PPFIBP2: variants seen among roughly 807,000 people sequenced by gnomAD.
The protein encoded by PPFIBP2 is PPFIB scaffold protein 2.
In PPFIBP2, 118 loss-of-function variants were observed where a neutral mutation model predicts 118.3. The ratio of observed to expected loss-of-function variants is 1.00; its 90% confidence interval spans 0.86 to 1.16. The LOEUF is 1.16. Among genes scored for constraint, PPFIBP2 ranks in the 50% most tolerant of loss-of-function variants. PPFIBP2 has a pLI of 0.00. For missense variants in PPFIBP2, 1,195 were observed against 1,073.1 expected (o/e 1.11, Z -1.59); for synonymous variants, 414 against 397.4 (o/e 1.04, Z -0.50).
At position 7,651,745 on chromosome 11, in the gene PPFIBP2, C is replaced by G. The variant is rs1206525727; in HGVS notation, c.2337C>G (p.Thr779=). ...QKTLLRRHLT[T]KFNALIGPEA... is the part of the protein sequence containing the mutation. Reference sequence around the variant, plus strand: ...CGCTCCTCAGGCGCCACCTGACCACCAAGTTCAATGCCTTGATTGGTCCGG... The same window carrying G: ...CGCTCCTCAGGCGCCACCTGACCACGAAGTTCAATGCCTTGATTGGTCCGG... Residue 779 remains threonine, a synonymous_variant, in exon 23 of 24, where the codon ACC becomes ACG. Coordinates refer to ENST00000299492, the MANE Select transcript of PPFIBP2 (RefSeq NM_003621.5). The G allele has an allele frequency of 1.2e-6, 2 of 1,614,164 alleles. No homozygotes were observed. The highest frequency in any genetic ancestry group is 1.1e-5 in the South Asian group (1 of 91,074).
intron 1 of PPFIBP2, among the ~76,000 whole-genome samples, chr11:7,522,688 C>T (rs2134266947): frequency 6.6e-6 from 1 of 152,328 alleles, no homozygotes; most frequent in Non-Finnish European, 1.5e-5. Flanking sequence ...ATAGGTCAAG[C>T]ACCCAGATGG....
At chr11:7,642,998 C>G (rs1285888441) in intron 17 of PPFIBP2, among the ~76,000 whole-genome samples, 1 of 152,124 alleles carries the variant, frequency 6.6e-6, no homozygotes, top group African/African-American at 2.4e-5. Context: ...CTTTCCAGAT[C>G]CATTTATTCT....
At chr11:7,605,371 A>T (rs1847211937) in intron 5 of PPFIBP2, among the ~76,000 whole-genome samples, 1 of 152,260 alleles carries the variant, frequency 6.6e-6, no homozygotes, top group Non-Finnish European at 1.5e-5. Flanking sequence ...TTAGGGCTTG[A>T]GCAGAACAGA....
Position 7,606,074 on chromosome 11 carries a change from G to A in PPFIBP2, c.487-4217G>A, listed in dbSNP as rs549602170. The A allele has an allele frequency of 3.1e-4, 463 of 1,493,196 alleles. 4 individuals are homozygous for A. The highest frequency in any genetic ancestry group is 1.8e-4 in the African/African-American group (13 of 71,454). 92.5% of individuals were successfully genotyped at this position (1,493,196 alleles called of 1,614,324 possible). ...CTGAAGGAAGTAGGTTGGTTCCTTC[G>A]GTTTGGGGAGAATGTGGTATAAGTG... On this transcript the variant is annotated intron_variant, in intron 5 of 23. Coordinates refer to ENST00000299492, the MANE Select transcript of PPFIBP2 (RefSeq NM_003621.5).
intron 1 of PPFIBP2, among the ~76,000 whole-genome samples, chr11:7,536,120 A>G (rs547857995): frequency 4.6e-5 from 7 of 152,312 alleles, no homozygotes; most frequent in African/African-American, 1.7e-4. Flanking sequence ...CTTAAAGATG[A>G]GAAACCCGAG....
At position 7,549,465 on chromosome 11, in the gene PPFIBP2, CA is replaced by C; in HGVS notation, c.-7del. ...TAAGAAGAGGAGGAGGCCAGGCAGG[CA>C]AAAGGAGTCATGGCTTCTGATGCTA... is the stretch of plus-strand genomic sequence containing the variant. On this transcript the variant is annotated 5_prime_UTR_variant, in exon 2 of 24. Coordinates refer to ENST00000299492, the MANE Select transcript of PPFIBP2 (RefSeq NM_003621.5). 1 of 1,557,170 alleles carries C rather than the reference CA, an allele frequency of 6.4e-7. No homozygotes were observed. The highest frequency in any genetic ancestry group is 2.4e-5 in the East Asian group (1 of 41,282).
At position 7,545,004 on chromosome 11, in the gene PPFIBP2, G is replaced by A. The variant is rs1010101065; in HGVS notation, c.-36-4436G>A. 3.9e-5 allele frequency among the ~76,000 whole-genome samples: 6 copies of A among 152,096 alleles called. No homozygotes were observed. In the South Asian group the frequency reaches 8.3e-4, roughly 21 times the overall value. On this transcript the variant is annotated intron_variant, in intron 1 of 23. Transcript: ENST00000299492. ...GGAACCGATGTGGAAGACACTGAAC[G>A]CACTGCATGTCATCAGACAGCATGT...
At chr11:7,624,198 G>A (rs1335574022) in intron 7 of PPFIBP2, among the ~76,000 whole-genome samples, 1 of 152,150 alleles carries the variant, frequency 6.6e-6, no homozygotes, top group African/African-American at 2.4e-5. Flanking sequence ...GCAGACACAC[G>A]GTGGTGGGTG....
At chr11:7,566,903 T>C (rs1440663474) in intron 3 of PPFIBP2, among the ~76,000 whole-genome samples, 3 of 152,194 alleles carry the variant, frequency 2.0e-5, no homozygotes, top group Non-Finnish European at 4.4e-5. Flanking sequence ...ACCTTGAGCC[T>C]CTTGGATGCA....
rs1853896323 is a variant in PPFIBP2, at chr11:7,650,913, T to C, written c.2195T>C (p.Leu732Pro). Reference protein sequence around the residue: ...RVMEWLRSVDLAEYAPNLRGS... With the variant: ...RVMEWLRSVDPAEYAPNLRGS... ...ATGGAGTGGTTACGATCTGTGGACC[T>C]GGCAGAGTATGCACCCAATCTTCGA... The change falls in exon 22 of 24, where the codon CTG (leucine) becomes CCG (proline). Residue 732 changes from leucine (L) to proline (P), a missense_variant. Leu to Pro is a moderately conservative substitution (Grantham distance 98). Coordinates refer to ENST00000299492, the MANE Select transcript of PPFIBP2 (RefSeq NM_003621.5). 6.2e-7 allele frequency: 1 copy of C among 1,614,030 alleles called. No individual in the cohort carries two copies. The highest frequency in any genetic ancestry group is 1.7e-5 in the Admixed American group (1 of 60,014).
intron 15 of PPFIBP2, chr11:7,641,170 G>A (rs1265663812): frequency 9.0e-6 from 9 of 998,870 alleles, no homozygotes; most frequent in East Asian, 9.8e-5. Flanking sequence ...TACTGCCTGC[G>A]TTCCTGCATC....
At chr11:7,618,820 G>A (rs1848993355) in intron 6 of PPFIBP2, among the ~76,000 whole-genome samples, 4 of 151,412 alleles carry the variant, frequency 2.6e-5, no homozygotes, top group Admixed American at 2.6e-4. Context: ...CATCTCAAGT[G>A]ATCCACCCAC....
In PPFIBP2 at chr11:7,559,556, T is replaced by G. The variant is rs1315794490; in HGVS notation, c.65-5997T>G. ...GAAATTTGGCACTATACCAGTGGTATGCAGAGGCCTGTAGGCTTGATGTCT... is the reference window on the plus strand; with the variant it reads ...GAAATTTGGCACTATACCAGTGGTAGGCAGAGGCCTGTAGGCTTGATGTCT... On this transcript the variant is annotated intron_variant, in intron 2 of 23. Transcript: ENST00000299492. Among the ~76,000 whole-genome samples, 5 of 152,276 alleles carry G rather than the reference T, an allele frequency of 3.3e-5. No individual in the cohort carries two copies. The East Asian group carries it at 9.6e-4, about 29-fold the overall frequency.
At chr11:7,585,369 A>G (rs1024899545) in intron 3 of PPFIBP2, among the ~76,000 whole-genome samples, 15 of 152,316 alleles carry the variant, frequency 9.8e-5, no homozygotes, top group African/African-American at 3.6e-4. Flanking sequence ...AGGTTTTCCC[A>G]CACTCCTTAC....
At chr11:7,655,421 C>A, downstream of PPFIBP2, 1 of 1,289,666 alleles carries the variant, frequency 7.8e-7, no homozygotes, top group East Asian at 5.6e-5. Context: ...CAGGCTGCTG[C>A]CCATTTTACA....
intron 17 of PPFIBP2, among the ~76,000 whole-genome samples, chr11:7,642,738 A>G (rs1196654927): frequency 6.6e-6 from 1 of 152,228 alleles, no homozygotes; most frequent in Non-Finnish European, 1.5e-5. Context: ...CCATATACCA[A>G]TGCAGAGTAC....
chr11:7,578,198 G>A (rs903774036), intron 3 of PPFIBP2, among the ~76,000 whole-genome samples: 1 of 152,046 alleles, frequency 6.6e-6, no homozygotes, highest in Non-Finnish European at 1.5e-5. Flanking sequence ...ATAAACCTGA[G>A]TGTGTGGTAT....
chr11:7,653,159 C>T lies in PPFIBP2; in HGVS notation c.2572C>T (p.Leu858Phe). 6.2e-7 allele frequency: 1 copy of T among 1,614,242 alleles called. No homozygotes were observed. The highest frequency in any genetic ancestry group is 8.5e-7 in the Non-Finnish European group (1 of 1,180,040). The part of the protein sequence containing the change: ...SHRVYSGYRG[L>F]SPLDAPELDG... Reference sequence around the variant, plus strand: ...CAGGGTCTACAGTGGCTACCGGGGCCTCAGCCCCCTTGATGCCCCTGAACT... The same window carrying T: ...CAGGGTCTACAGTGGCTACCGGGGCTTCAGCCCCCTTGATGCCCCTGAACT... The change falls in exon 24 of 24, where the codon CTC (leucine) becomes TTC (phenylalanine). Residue 858 changes from leucine (L) to phenylalanine (F), a missense_variant. By Grantham distance (22) the Leu-to-Phe change is conservative. Transcript: ENST00000299492.
chr11:7,653,351 G>C lies in PPFIBP2; in HGVS notation c.*133G>C. 1 of 1,492,612 alleles carries C rather than the reference G, an allele frequency of 6.7e-7. No homozygotes were observed. The highest frequency in any genetic ancestry group is 1.3e-5 in the South Asian group (1 of 74,406). 92.5% of individuals were successfully genotyped at this position (1,492,612 alleles called of 1,614,324 possible). A position where few individuals can be genotyped will look rare whatever the true frequency, so the allele number is the denominator to read the frequency against. ...TATTCCAGCAATTGTGTACCCCTGG[G>C]CCAGTCTCTTTGAACCCTGAGGGTG... On this transcript the variant is annotated 3_prime_UTR_variant, in exon 24 of 24. Coordinates refer to ENST00000299492, the MANE Select transcript of PPFIBP2 (RefSeq NM_003621.5).
Sources: allele counts gnomAD v4.1 joint callset (sites outside exome capture counted in the v4.1 genomes callset), GRCh38; gene constraint gnomAD v4.1.1; transcripts MANE v1.5; gene names NCBI Gene and HGNC (gene_info 2026-07-23, HGNC 2026-07-21).